The following GOLIM4 variants were observed in gnomAD, a reference collection of about 807,000 sequenced individuals.
GOLIM4 encodes 130 kDa golgi-localized phosphoprotein.
In GOLIM4, 71 loss-of-function variants were observed where a neutral mutation model predicts 107.4. The ratio of observed to expected loss-of-function variants is 0.66; its 90% CI spans 0.55 to 0.81. The LOEUF is 0.81. GOLIM4 is among the 30% of genes least tolerant of loss of function. The pLI, the probability that GOLIM4 is intolerant of heterozygous loss-of-function variation, is 0.00. For synonymous variants in GOLIM4, 327 were observed against 294.8 expected (o/e 1.11, Z -1.12); for missense variants, 830 against 826.1 (o/e 1.00, Z -0.06).
chr3:168,038,727 A>T (rs1442161107), intron 7 of GOLIM4, among the ~76,000 whole-genome samples: 2 of 152,136 alleles, frequency 1.3e-5, no homozygotes, highest in African/African-American at 4.8e-5. Context: ...CTGAAACAGC[A>T]TTTTTTTTAA....
rs143520663 is a variant in GOLIM4 at position 168,032,693 on chromosome 3, C to T, written c.1003G>A (p.Val335Met). The change falls in exon 9 of 16, where the codon GTG (valine) becomes ATG (methionine). Residue 335 changes from valine to methionine, a missense_variant. Transcript: ENST00000470487. Reference sequence around the variant, plus strand: ...AGGGCCTTTCTGTGCTCCTCTTCCACCTGATGCTCCTCAGGTTCTCTGCGT... The same window carrying T: ...AGGGCCTTTCTGTGCTCCTCTTCCATCTGATGCTCCTCAGGTTCTCTGCGT... ...VERREPEEHQVEEEHRKALEE... is the reference protein window; with the variant it reads ...VERREPEEHQMEEEHRKALEE... The T allele has an allele frequency of 5.9e-5, 95 of 1,614,118 alleles. No individual in the cohort carries two copies. The African/African-American group carries it at 1.0e-3, about 18-fold the overall frequency.
chr3:168,021,366 C>T (rs1220952674), intron 14 of GOLIM4, among the ~76,000 whole-genome samples: 1 of 152,044 alleles, frequency 6.6e-6, no homozygotes, highest in East Asian at 1.9e-4. Flanking sequence ...AGAGTTTCTT[C>T]CAATCGAAAA....
chr3:168,088,156 C>G (rs576094459), intron 1 of GOLIM4, among the ~76,000 whole-genome samples: 1 of 152,060 alleles, frequency 6.6e-6, no homozygotes, highest in African/African-American at 2.4e-5. Context: ...CTCTTAGTTG[C>G]TATCATGTAA....
At chr3:168,022,710 C>T (rs1001624106) in intron 14 of GOLIM4, among the ~76,000 whole-genome samples, 6 of 152,166 alleles carry the variant, frequency 3.9e-5, no homozygotes, top group Admixed American at 6.5e-5. Flanking sequence ...AAAAAAGGCA[C>T]GTGGGACTTC....
intron 1 of GOLIM4, among the ~76,000 whole-genome samples, chr3:168,065,830 G>A (rs1050208163): frequency 1.3e-5 from 2 of 152,334 alleles, no homozygotes; most frequent in South Asian, 4.1e-4. Context: ...CCAGAGGCAA[G>A]GGGTCCAGAG....
intron 1 of GOLIM4, among the ~76,000 whole-genome samples, chr3:168,090,789 A>G (rs552167778): frequency 3.3e-5 from 5 of 152,208 alleles, no homozygotes; most frequent in Non-Finnish European, 5.9e-5. Context: ...TCAACAGAGA[A>G]CTGGTAAAGA....
At chr3:168,035,578 A>G (rs147891600) in intron 8 of GOLIM4, among the ~76,000 whole-genome samples, 1 of 152,222 alleles carries the variant, frequency 6.6e-6, no homozygotes, top group African/African-American at 2.4e-5. Context: ...GTTCTCACTT[A>G]TAAGTGGGAG....
chr3:168,063,885 G>GA (rs138444326), intron 1 of GOLIM4, among the ~76,000 whole-genome samples: 3,151 of 150,472 alleles, frequency 0.021, 95 homozygotes, highest in African/African-American at 0.073. Context: ...AAAGTTGAAG[G>GA]AAAAAAAAAG....
In GOLIM4 at chr3:168,009,629, C is replaced by T. The variant is rs79339930; in HGVS notation, c.*640G>A. The stretch of plus-strand genomic sequence containing the variant: ...TTTAATACTCTCTCATTTTTAAATT[C>T]AATTCCTCTTAAACAGAACAGCTAT... On this transcript the variant is annotated 3_prime_UTR_variant, in exon 16 of 16. Transcript: ENST00000470487. 0.15 allele frequency: 22,352 copies of T among 152,086 alleles called. 2,129 individuals are homozygous for T. Among genetic ancestry groups the T allele is most frequent in the South Asian group, 0.25 (1,225 of 4,810 alleles). 9.4% of individuals were successfully genotyped at this position (152,086 alleles called of 1,614,324 possible).
At chr3:168,029,413 T>A (rs1197490356) in intron 10 of GOLIM4, 111 bp from the exon 11 acceptor site, 1 of 676,288 alleles carries the variant, frequency 1.5e-6, no homozygotes, top group Non-Finnish European at 2.4e-6. Context: ...TCAACATTTT[T>A]AAGAAGCCAT....
chr3:168,050,287 T>C (rs1476917899), intron 1 of GOLIM4, among the ~76,000 whole-genome samples: 3 of 152,138 alleles, frequency 2.0e-5, no homozygotes, highest in Non-Finnish European at 4.4e-5. Context: ...TTCAAACATA[T>C]ACATGTATGG....
At chr3:168,043,014 AT>A (rs1306114335) in intron 5 of GOLIM4, among the ~76,000 whole-genome samples, 1 of 152,170 alleles carries the variant, frequency 6.6e-6, no homozygotes, top group African/African-American at 2.4e-5. Flanking sequence ...ATATGGAGCA[AT>A]TTTTGATTGT....
In GOLIM4 at chr3:168,095,462, G is replaced by A; in HGVS notation, c.-177C>T. On this transcript the variant is annotated 5_prime_UTR_variant, in exon 1 of 16. Transcript: ENST00000470487. ...GCCCGCTCAGCCCCCGCGCGGCGCG[G>A]GGCGCGCAGCCATCGACGCCGCCCG... is the stretch of plus-strand genomic sequence containing the variant. The A allele has an allele frequency of 5.4e-6, 3 of 559,374 alleles. No homozygotes were observed. Among genetic ancestry groups the A allele is most frequent in the Non-Finnish European group, 9.3e-6 (3 of 323,662 alleles). 34.7% of individuals were successfully genotyped at this position (559,374 alleles called of 1,614,324 possible). A position where few individuals can be genotyped will look rare whatever the true frequency, so the allele number is the denominator to read the frequency against.
chr3:168,010,298 C>T lies in GOLIM4; in HGVS notation c.2062G>A (p.Glu688Lys). 1.2e-6 allele frequency: 2 copies of T among 1,613,138 alleles called. No homozygotes were observed. The highest frequency in any genetic ancestry group is 1.7e-6 in the Non-Finnish European group (2 of 1,179,594). The part of the protein sequence containing the change: ...EEEEDGAAVA[E>K]KSHRRAEM Reference sequence around the variant, plus strand: ...ATTTCAGCTCTTCGATGTGATTTCTCAGCAACTGCAGCCCCGTCTTCTTCC... The same window carrying T: ...ATTTCAGCTCTTCGATGTGATTTCTTAGCAACTGCAGCCCCGTCTTCTTCC... The change falls in exon 16 of 16, where the codon GAG (glutamate) becomes AAG (lysine). Residue 688 changes from glutamate (E) to lysine (K), a missense_variant. Transcript: ENST00000470487.
intron 1 of GOLIM4, among the ~76,000 whole-genome samples, chr3:168,052,360 A>G (rs905345357): frequency 1.3e-5 from 2 of 151,854 alleles, no homozygotes; most frequent in Non-Finnish European, 2.9e-5. Flanking sequence ...ATGTGCATAT[A>G]TATATATATA....
intron 1 of GOLIM4, among the ~76,000 whole-genome samples, chr3:168,080,509 G>A (rs938979943): frequency 4.6e-5 from 7 of 152,290 alleles, no homozygotes; most frequent in East Asian, 1.9e-4. Flanking sequence ...AGTGGCCACC[G>A]TATTAGACAG....
Position 168,029,975 on chromosome 3 carries a change from T to C in GOLIM4, c.1238A>G (p.Gln413Arg), listed in dbSNP as rs775039111. The change falls in exon 10 of 16, where the codon CAG (glutamine) becomes CGG (arginine). Residue 413 changes from glutamine (Q) to arginine (R), a missense_variant. Gln to Arg is a conservative substitution (Grantham distance 43). Coordinates refer to ENST00000470487, the MANE Select transcript of GOLIM4 (RefSeq NM_014498.5). ...FQSPYEEQLE[Q>R]QRLAVQQVEE... ...CACCTGCTGCACTGCCAGTCTCTGCTGTTCCAACTGTTCCTCATAGGGTGA... is the reference window on the plus strand; with the variant it reads ...CACCTGCTGCACTGCCAGTCTCTGCCGTTCCAACTGTTCCTCATAGGGTGA... 1 of 1,614,200 alleles carries C rather than the reference T, an allele frequency of 6.2e-7. No homozygotes were observed. The highest frequency in any genetic ancestry group is 1.1e-5 in the South Asian group (1 of 91,090).
chr3:168,046,454 C>T lies in GOLIM4; in HGVS notation c.312+496G>A, dbSNP rs576597772. Reference sequence around the variant, plus strand: ...CTAGGCAGAGGACCCTGCGGCCTTCCGCAGTGTCTGTGTCCCTGGGTACTT... The same window carrying T: ...CTAGGCAGAGGACCCTGCGGCCTTCTGCAGTGTCTGTGTCCCTGGGTACTT... On this transcript the variant is annotated intron_variant, in intron 3 of 15. Transcript: ENST00000470487. 7.9e-5 allele frequency among the ~76,000 whole-genome samples: 12 copies of T among 152,216 alleles called. No homozygotes were observed. The South Asian group carries it at 1.2e-3, about 16-fold the overall frequency.
chr3:168,036,886 G>A lies in GOLIM4; in HGVS notation c.793C>T (p.Pro265Ser). 1.2e-6 allele frequency: 2 copies of A among 1,614,020 alleles called. No individual in the cohort carries two copies. The highest frequency in any genetic ancestry group is 1.7e-6 in the Non-Finnish European group (2 of 1,179,924). Residue 265 changes from proline (P) to serine (S), a missense_variant, in exon 8 of 16, where the codon CCA becomes TCA. Physicochemically the swap from Pro to Ser is moderately conservative, Grantham distance 74. Transcript: ENST00000470487. ...TCCCTTGCTGTGTTGTAACCTTGTGGAGAATGTGCCACCTGGGTCACATTT... is the reference window on the plus strand; with the variant it reads ...TCCCTTGCTGTGTTGTAACCTTGTGAAGAATGTGCCACCTGGGTCACATTT... ...QQNVTQVAHS[P>S]QGYNTAREKP...
Sources: gnomAD v4.1 joint callset for allele counts (sites outside exome capture counted in the v4.1 genomes callset) on GRCh38, gnomAD v4.1.1 for gene constraint, MANE v1.5 for transcripts, NCBI Gene and HGNC (gene_info 2026-07-23, HGNC 2026-07-21) for gene names.